The following NAALADL2 variants were observed in gnomAD, a reference collection of about 807,000 sequenced individuals.
NAALADL2 encodes the protein N-acetylated alpha-linked acidic dipeptidase like 2, also known as inactive N-acetylated-alpha-linked acidic dipeptidase-like protein 2.
NAALADL2 carries 76 observed loss-of-function variants against 87.2 expected under a neutral mutation model. The observed-to-expected ratio is 0.87, with a 90% confidence interval of 0.72 to 1.05. The LOEUF (loss-of-function observed/expected upper bound fraction) is 1.05. NAALADL2 is among the 50% of genes least tolerant of loss of function. NAALADL2 has a pLI of 0.00. For synonymous variants in NAALADL2, 354 were observed against 331.0 expected, an observed-to-expected ratio of 1.07 and a Z score of -0.75; for missense variants, 1,089 against 945.8, an observed-to-expected ratio of 1.15 and a Z score of -1.99.
intron 10 of NAALADL2, chr3:175,581,047 A>G (rs997331994): frequency 4.4e-6 from 1 of 227,946 alleles, no homozygotes; most frequent in Non-Finnish European, 9.3e-6. Flanking sequence ...AATCTAATAC[A>G]AACTAATGAA....
At chr3:174,581,881 A>G (rs1446928940) in intron 2 of NAALADL2, among the ~76,000 whole-genome samples, 1 of 152,198 alleles carries the variant, frequency 6.6e-6, no homozygotes, top group East Asian at 1.9e-4. Context: ...ATACTCCATC[A>G]CTTGCTTCTT....
chr3:175,637,190 G>C (rs1317479040), intron 11 of NAALADL2, among the ~76,000 whole-genome samples: 1 of 152,168 alleles, frequency 6.6e-6, no homozygotes, highest in Non-Finnish European at 1.5e-5. Context: ...ATTTACTCAT[G>C]CCCCAGTTTG....
chr3:175,419,699 A>G (rs556417186), intron 5 of NAALADL2, among the ~76,000 whole-genome samples: 2 of 152,054 alleles, frequency 1.3e-5, no homozygotes, highest in Admixed American at 6.6e-5. Context: ...CCATTTTCCC[A>G]TGATGACCTA....
At chr3:175,355,069 T>A (rs907354953) in intron 5 of NAALADL2, among the ~76,000 whole-genome samples, 2 of 150,064 alleles carry the variant, frequency 1.3e-5, no homozygotes, top group Admixed American at 1.3e-4. Context: ...TATACATATA[T>A]TTTTTCTTTT....
chr3:174,874,288 T>A (rs1004929862), intron 1 of NAALADL2, among the ~76,000 whole-genome samples: 1 of 152,206 alleles, frequency 6.6e-6, no homozygotes. Context: ...ATTCTCATCA[T>A]GAATTTACTC....
chr3:175,215,416 G>T lies in NAALADL2; in HGVS notation c.546-18515G>T, dbSNP rs965432950. 2.0e-5 allele frequency among the ~76,000 whole-genome samples: 3 copies of T among 151,932 alleles called. No homozygotes were observed. In the East Asian group the frequency reaches 5.8e-4, roughly 29 times the overall value. ...ATACATGTCTTGCTCTTCTATGTCCGGGAGCTGAAGACCTGCCCAAGGATT... is the reference window on the plus strand; with the variant it reads ...ATACATGTCTTGCTCTTCTATGTCCTGGAGCTGAAGACCTGCCCAAGGATT... On this transcript the variant is annotated intron_variant, in intron 2 of 13. Transcript: ENST00000454872.
intron 3 of NAALADL2, among the ~76,000 whole-genome samples, chr3:174,754,753 A>G (rs1335299233): frequency 1.3e-5 from 2 of 152,152 alleles, no homozygotes; most frequent in African/African-American, 2.4e-5. Context: ...CTTAGGGTTA[A>G]CATCTATAAT....
chr3:175,635,382 T>C (rs1728371245), intron 11 of NAALADL2, among the ~76,000 whole-genome samples: 1 of 152,072 alleles, frequency 6.6e-6, no homozygotes, highest in African/African-American at 2.4e-5. Flanking sequence ...CTTATTAAGA[T>C]AGGAAAAGAA....
intron 3 of NAALADL2, among the ~76,000 whole-genome samples, chr3:174,832,623 G>A (rs991773063): frequency 6.6e-5 from 10 of 152,090 alleles, no homozygotes; most frequent in African/African-American, 1.4e-4. Flanking sequence ...CACCACATCC[G>A]GCTAATTTTG....
In NAALADL2 at chr3:175,513,924, G is replaced by A. The variant is rs567918385; in HGVS notation, c.1653+42166G>A. Among the ~76,000 whole-genome samples the A allele has an allele frequency of 2.0e-5, 3 of 152,362 alleles. No individual in the cohort carries two copies. The South Asian group carries it at 6.2e-4, about 32-fold the overall frequency. The stretch of plus-strand genomic sequence containing the variant: ...TCCAAAGGGTGAGAGGATCAAAAAT[G>A]TAAATATGGGAGACAAAGCTAGACA... On this transcript the variant is annotated intron_variant, in intron 9 of 13. Coordinates refer to ENST00000454872, the MANE Select transcript of NAALADL2 (RefSeq NM_207015.3).
upstream of NAALADL2, among the ~76,000 whole-genome samples, chr3:174,857,613 G>A (rs1725997337): frequency 6.6e-6 from 1 of 152,154 alleles, no homozygotes; most frequent in Admixed American, 6.6e-5. Flanking sequence ...GATGATTACA[G>A]TGTTTTATTG....
chr3:175,490,857 C>T (rs1416214192), intron 9 of NAALADL2, among the ~76,000 whole-genome samples: 1 of 152,002 alleles, frequency 6.6e-6, no homozygotes, highest in Non-Finnish European at 1.5e-5. Context: ...ACATCATAGC[C>T]AAATAGCTGG....
intron 2 of NAALADL2, among the ~76,000 whole-genome samples, chr3:174,604,281 T>A (rs911040743): frequency 2.0e-5 from 3 of 152,194 alleles, no homozygotes; most frequent in Admixed American, 2.0e-4. Context: ...AATTGTTATA[T>A]CATCTTGCTG....
At chr3:175,168,456 C>G (rs1274444721) in intron 2 of NAALADL2, among the ~76,000 whole-genome samples, 2 of 151,724 alleles carry the variant, frequency 1.3e-5, no homozygotes, top group East Asian at 3.9e-4. Context: ...ATGTGACTCC[C>G]TGGACACTAA....
chr3:175,165,552 A>T (rs1026101743), intron 2 of NAALADL2, among the ~76,000 whole-genome samples: 3 of 152,172 alleles, frequency 2.0e-5, no homozygotes, highest in African/African-American at 4.8e-5. Flanking sequence ...TTGGAAAAAA[A>T]ATATAATGGT....
chr3:174,914,862 G>A (rs970113566), intron 1 of NAALADL2, among the ~76,000 whole-genome samples: 1 of 152,108 alleles, frequency 6.6e-6, no homozygotes, highest in African/African-American at 2.4e-5. Context: ...AATAAGGGAG[G>A]AAAGGTAAAA....
rs1335810551 is a variant in NAALADL2, at chr3:175,362,519, T to A, written c.1090+38194T>A. 2.7e-5 allele frequency among the ~76,000 whole-genome samples: 4 copies of A among 148,334 alleles called. 1 individual carries two copies. The highest frequency in any genetic ancestry group is 6.0e-5 in the Non-Finnish European group (4 of 66,678). On this transcript the variant is annotated intron_variant, in intron 5 of 13. Transcript: ENST00000454872. The stretch of plus-strand genomic sequence containing the variant: ...CATGAGCATGGAATGTTCTTCTATT[T>A]GTTTGTATCCTCTTTTATTTCGTTA...
intron 13 of NAALADL2, among the ~76,000 whole-genome samples, chr3:175,801,129 G>C (rs1343250106): frequency 6.6e-6 from 1 of 152,116 alleles, no homozygotes; most frequent in Non-Finnish European, 1.5e-5. Flanking sequence ...ATTTTGTGCT[G>C]TGGCCCTGAT....
At chr3:174,938,597 C>A (rs1278451288) in intron 1 of NAALADL2, among the ~76,000 whole-genome samples, 1 of 152,070 alleles carries the variant, frequency 6.6e-6, no homozygotes, top group Non-Finnish European at 1.5e-5. Context: ...TGAGGAATCA[C>A]CATACTGTTT....
Sources: allele counts gnomAD v4.1 joint callset (sites outside exome capture counted in the v4.1 genomes callset), GRCh38; gene constraint gnomAD v4.1.1; transcripts MANE v1.5; gene names NCBI Gene and HGNC (gene_info 2026-07-23, HGNC 2026-07-21).